Variants in PPP4R3B observed in about 807,000 individuals in gnomAD.
The protein encoded by PPP4R3B is serine/threonine-protein phosphatase 4 regulatory subunit 3B.
PPP4R3B carries 52 observed loss-of-function variants against 95.4 expected under a neutral mutation model. The ratio of observed to expected loss-of-function variants is 0.54; its 90% CI spans 0.44 to 0.69. PPP4R3B has a LOEUF of 0.69. Among genes scored for constraint, PPP4R3B ranks in the 30% least tolerant of loss-of-function variants. The pLI, the probability that PPP4R3B is intolerant of heterozygous loss-of-function variation, is 0.00. For synonymous variants in PPP4R3B, 407 were observed against 343.9 expected, an observed-to-expected ratio of 1.18 and a Z score of -2.03; for missense variants, 1,003 against 1,005.9, an observed-to-expected ratio of 1.00 and a Z score of 0.04.
chr2:55,572,470 T>C (rs569218659), intron 12 of PPP4R3B, among the ~76,000 whole-genome samples: 185 of 152,242 alleles, frequency 1.2e-3, no homozygotes, highest in South Asian at 7.0e-3. Flanking sequence ...AGTACACTAA[T>C]ATATGAAAAG....
intron 11 of PPP4R3B, among the ~76,000 whole-genome samples, chr2:55,574,056 T>C (rs1688341653): frequency 6.6e-6 from 1 of 151,092 alleles, no homozygotes. Context: ...GCTAGCTAAT[T>C]TTTTTTTTCA....
chr2:55,572,350 AATGAAG>A (rs1234553065), intron 12 of PPP4R3B, among the ~76,000 whole-genome samples: 4 of 152,224 alleles, frequency 2.6e-5, no homozygotes, highest in Non-Finnish European at 4.4e-5. Context: ...GACAAAAGAC[AATGAAG>A]ATGGACATTT....
intron 4 of PPP4R3B, among the ~76,000 whole-genome samples, chr2:55,591,170 T>G (rs1438248811): frequency 6.6e-6 from 1 of 151,422 alleles, no homozygotes; most frequent in Non-Finnish European, 1.5e-5. Context: ...AGAGTCTCAC[T>G]CTGTTGCCCA....
intron 15 of PPP4R3B, among the ~76,000 whole-genome samples, chr2:55,561,862 G>A (rs1010761251): frequency 2.0e-5 from 3 of 152,138 alleles, no homozygotes; most frequent in African/African-American, 7.2e-5. Flanking sequence ...TCTCATATGA[G>A]ACTTTGGACT....
At chr2:55,562,131 T>G (rs910915747) in intron 15 of PPP4R3B, among the ~76,000 whole-genome samples, 2 of 152,158 alleles carry the variant, frequency 1.3e-5, no homozygotes, top group African/African-American at 4.8e-5. Context: ...TCAAAGTGTG[T>G]GGCACCTCGG....
chr2:55,612,120 A>G (rs1466683515), intron 2 of PPP4R3B, among the ~76,000 whole-genome samples: 3 of 152,210 alleles, frequency 2.0e-5, no homozygotes, highest in African/African-American at 4.8e-5. Flanking sequence ...CCGCTAATGG[A>G]AACAAAAAAT....
At chr2:55,569,244 A>G (rs1687674442) in intron 12 of PPP4R3B, among the ~76,000 whole-genome samples, 1 of 152,128 alleles carries the variant, frequency 6.6e-6, no homozygotes, top group Non-Finnish European at 1.5e-5. Flanking sequence ...CCCGTTGCCA[A>G]GCAGACCATG....
intron 4 of PPP4R3B, among the ~76,000 whole-genome samples, chr2:55,597,727 G>C (rs1691995675): frequency 6.6e-6 from 1 of 152,170 alleles, no homozygotes; most frequent in South Asian, 2.1e-4. Flanking sequence ...CTTGAACCCA[G>C]GAGGCAGAGG....
At chr2:55,594,077 G>T (rs960011955) in intron 4 of PPP4R3B, among the ~76,000 whole-genome samples, 1 of 152,064 alleles carries the variant, frequency 6.6e-6, no homozygotes, top group Admixed American at 6.6e-5. Context: ...ATCATATATC[G>T]CATGTTCTCA....
rs533892591 is a variant in PPP4R3B at position 55,590,188 on chromosome 2, A to G, written c.922-1232T>C. Among the ~76,000 whole-genome samples, 10 of 151,130 alleles carry G rather than the reference A, an allele frequency of 6.6e-5. No homozygotes were observed. In the South Asian group the frequency reaches 1.0e-3, roughly 16 times the overall value. Reference sequence around the variant, plus strand: ...ACTAAAAATACAAAACTAGCCAGGCATGGTGGCACATGCCTGTAATCCTAG... The same window carrying G: ...ACTAAAAATACAAAACTAGCCAGGCGTGGTGGCACATGCCTGTAATCCTAG... On this transcript the variant is annotated intron_variant, in intron 4 of 16. Coordinates refer to ENST00000616407, the MANE Select transcript of PPP4R3B (RefSeq NM_001122964.3).
chr2:55,551,262 G>A (rs1162065379), intron 16 of PPP4R3B, among the ~76,000 whole-genome samples: 1 of 151,998 alleles, frequency 6.6e-6, no homozygotes. Context: ...GCTGAGGGAC[G>A]AGCATCTCTT....
intron 9 of PPP4R3B, 102 bp from the exon 10 acceptor site, chr2:55,578,444 T>C (rs1489523645): frequency 4.5e-6 from 5 of 1,104,150 alleles, no homozygotes; most frequent in Non-Finnish European, 5.8e-6. Flanking sequence ...GGAAGTGTTT[T>C]ATTAAAATGA....
At chr2:55,589,001 A>T in intron 4 of PPP4R3B, 45 bp from the exon 5 acceptor site, 1 of 1,183,106 alleles carries the variant, frequency 8.5e-7, no homozygotes, top group Non-Finnish European at 1.2e-6. Flanking sequence ...CAAAAGAATA[A>T]AGTTATACTC....
At position 55,609,552 on chromosome 2, in the gene PPP4R3B, A is replaced by G. The variant is rs1379322041; in HGVS notation, c.199-5476T>C. 2.0e-5 allele frequency among the ~76,000 whole-genome samples: 3 copies of G among 152,022 alleles called. No homozygotes were observed. In the East Asian group the frequency reaches 5.8e-4, roughly 29 times the overall value. The stretch of plus-strand genomic sequence containing the variant: ...AGCCAGGCATGGTGTGCACACCTAC[A>G]GTCCCAGCTACTCAGGAGGCTGAGG... On this transcript the variant is annotated intron_variant, in intron 2 of 16. Transcript: ENST00000616407.
At chr2:55,554,633 T>C (rs989630903) in intron 16 of PPP4R3B, among the ~76,000 whole-genome samples, 1 of 152,258 alleles carries the variant, frequency 6.6e-6, no homozygotes, top group African/African-American at 2.4e-5. Context: ...TCTTTATATA[T>C]TCTGGATACC....
chr2:55,608,708 G>T (rs1385686053), intron 2 of PPP4R3B, among the ~76,000 whole-genome samples: 1 of 152,180 alleles, frequency 6.6e-6, no homozygotes, highest in African/African-American at 2.4e-5. Context: ...AACTTGGCTG[G>T]ATATGGAGGC....
At chr2:55,577,490 G>A (rs1343069241) in intron 10 of PPP4R3B, 134 bp from the exon 11 acceptor site, 2 of 971,702 alleles carry the variant, frequency 2.1e-6, no homozygotes, top group Admixed American at 4.7e-5. Context: ...TAAAGACTTG[G>A]TTGCTTCAGC....
Position 55,598,890 on chromosome 2 carries a change from A to G in PPP4R3B, c.447T>C (p.Val149=), listed in dbSNP as rs1429294229. ...GGATAGGTGAGGAGAGCACTGAGGT[A>G]ACTAAGTCAGCAATCTCTTCAAGTT... The part of the protein sequence containing the change: ...LNKLEEIADL[V]TSVLSSPIRR... Residue 149 remains valine (V), a synonymous_variant, in exon 4 of 17, where the codon GTT becomes GTC. Transcript: ENST00000616407. 1.2e-6 allele frequency: 2 copies of G among 1,614,070 alleles called. No individual in the cohort carries two copies. Among genetic ancestry groups the G allele is most frequent in the African/African-American group, 2.7e-5 (2 of 74,938 alleles).
chr2:55,561,906 G>C (rs184504407), intron 15 of PPP4R3B, among the ~76,000 whole-genome samples: 1 of 152,256 alleles, frequency 6.6e-6, no homozygotes, highest in African/African-American at 2.4e-5. Context: ...ATGAGTTATG[G>C]GGGACTGTTG....
Sources: gnomAD v4.1 joint callset for allele counts (sites outside exome capture counted in the v4.1 genomes callset) on GRCh38, gnomAD v4.1.1 for gene constraint, MANE v1.5 for transcripts, NCBI Gene and HGNC (gene_info 2026-07-23, HGNC 2026-07-21) for gene names.